The following BCLAF1 variants were observed in gnomAD, a reference collection of about 807,000 sequenced individuals.
The protein encoded by BCLAF1 is bcl-2-associated transcription factor 1.
In BCLAF1, 10 loss-of-function variants were observed where a neutral mutation model predicts 99.5. The ratio of observed to expected loss-of-function variants is 0.10; its 90% CI spans 0.06 to 0.17. The LOEUF (loss-of-function observed/expected upper bound fraction) is 0.17, where lower values mean the gene tolerates loss of function less well. Ranked by LOEUF, BCLAF1 falls within the 10% of genes least tolerant of loss-of-function variation. BCLAF1 has a pLI of 1.00. For synonymous variants in BCLAF1, 255 were observed against 370.9 expected (o/e 0.69, Z 3.59); for missense variants, 636 against 1,105.8 (o/e 0.58, Z 6.02).
Position 136,276,008 on chromosome 6 carries a change from T to C in BCLAF1, c.1517A>G (p.Lys506Arg). 2 of 1,611,152 alleles carry C rather than the reference T, an allele frequency of 1.2e-6. No homozygotes were observed. Among genetic ancestry groups the C allele is most frequent in the Non-Finnish European group, 1.7e-6 (2 of 1,179,128 alleles). The change falls in exon 5 of 13, where the codon AAA becomes AGA. Residue 506 changes from lysine (K) to arginine (R), a missense_variant. This residue lies in a region of BCLAF1 where 186 missense variants were observed against 275.3 expected (regional missense o/e 0.68). Transcript: ENST00000531224. ...AGGGGGACTGTAATCAAAGAGGTCT[T>C]TGAGCTTTTCAGACTTTACCTGCTC... The part of the protein sequence containing the change: ...SPEQVKSEKL[K>R]DLFDYSPPLH...
chr6:136,285,637 C>G (rs1785025967), intron 1 of BCLAF1, among the ~76,000 whole-genome samples: 1 of 152,108 alleles, frequency 6.6e-6, no homozygotes, highest in Admixed American at 6.5e-5. Flanking sequence ...AATAAATTGC[C>G]ATATGTATCT....
chr6:136,283,767 T>C (rs1391682514), intron 1 of BCLAF1, among the ~76,000 whole-genome samples: 1 of 152,062 alleles, frequency 6.6e-6, no homozygotes, highest in African/African-American at 2.4e-5. Context: ...TCCTAAAATA[T>C]CCATGGCCCT....
Position 136,276,195 on chromosome 6 carries a change from G to C in BCLAF1, c.1330C>G (p.Leu444Val). 3 of 1,610,632 alleles carry C rather than the reference G, an allele frequency of 1.9e-6. No individual in the cohort carries two copies. The highest frequency in any genetic ancestry group is 2.2e-5 in the East Asian group (1 of 44,804). The change falls in exon 5 of 13, where the codon CTG becomes GTG. Residue 444 changes from leucine (L) to valine (V), a missense_variant. Around this residue, in one of 9 missense-constraint regions of BCLAF1, gnomAD observed 186 missense variants for 275.3 expected, o/e 0.68. Transcript: ENST00000531224. Reference sequence around the variant, plus strand: ...CCATCACTTTCTCTATTGCCTTTCAGTGAAACTTTGGACTTGTACTTGAGT... The same window carrying C: ...CCATCACTTTCTCTATTGCCTTTCACTGAAACTTTGGACTTGTACTTGAGT... ...EGLKYKSKVSLKGNRESDGFR... is the reference protein window; with the variant it reads ...EGLKYKSKVSVKGNRESDGFR...
intron 1 of BCLAF1, among the ~76,000 whole-genome samples, chr6:136,284,116 ATGTGTGTGTGTGTG>A (rs879553249): frequency 3.3e-5 from 4 of 120,078 alleles, no homozygotes; most frequent in African/African-American, 1.4e-4. Context: ...ATACATATAT[ATGTGTGTGTGTGTG>A]TATATATATA....
intron 11 of BCLAF1, among the ~76,000 whole-genome samples, chr6:136,264,190 T>C (rs997026991): frequency 7.9e-5 from 12 of 152,126 alleles, no homozygotes; most frequent in Non-Finnish European, 1.3e-4. Context: ...GCTTAACAAA[T>C]GTTATCTATT....
At chr6:136,271,076 G>A (rs1420614399) in intron 8 of BCLAF1, among the ~76,000 whole-genome samples, 4 of 151,478 alleles carry the variant, frequency 2.6e-5, no homozygotes, top group African/African-American at 7.3e-5. Flanking sequence ...TACTACCACT[G>A]TCCATAACAG....
In BCLAF1 at chr6:136,260,816, C is replaced by A; in HGVS notation, c.*294G>T. 2.3e-6 allele frequency: 1 copy of A among 430,400 alleles called. No individual in the cohort carries two copies. Among genetic ancestry groups the A allele is most frequent in the East Asian group, 3.6e-5 (1 of 28,138 alleles). The allele number at this position is 430,400 out of a possible 1,614,324, so 26.7% of individuals were successfully genotyped here. On this transcript the variant is annotated 3_prime_UTR_variant, in exon 13 of 13. Coordinates refer to ENST00000531224, the MANE Select transcript of BCLAF1 (RefSeq NM_014739.3). ...GAACTTTCACAGAGCTGTACTTGACCATATCTTATAGACAAAGCAGAATTA... is the reference window on the plus strand; with the variant it reads ...GAACTTTCACAGAGCTGTACTTGACAATATCTTATAGACAAAGCAGAATTA...
intron 7 of BCLAF1, among the ~76,000 whole-genome samples, chr6:136,272,569 T>C (rs1782681117): frequency 1.3e-5 from 2 of 151,992 alleles, no homozygotes; most frequent in African/African-American, 4.8e-5. Context: ...GTCAGATACT[T>C]CATAGCCAAT....
intron 1 of BCLAF1, among the ~76,000 whole-genome samples, chr6:136,285,435 G>A (rs1222271135): frequency 4.2e-4 from 64 of 152,178 alleles, no homozygotes; most frequent in Admixed American, 4.2e-3. Flanking sequence ...CCCACAGTCG[G>A]AGTGTAAATG....
intron 11 of BCLAF1, among the ~76,000 whole-genome samples, chr6:136,264,832 T>C (rs1781497596): frequency 6.6e-6 from 1 of 152,156 alleles, no homozygotes; most frequent in African/African-American, 2.4e-5. Flanking sequence ...AAATCAATGT[T>C]TATGTTTTAT....
At chr6:136,283,178 C>CAAAAAA (rs1173234336) in intron 1 of BCLAF1, among the ~76,000 whole-genome samples, 4 of 52,036 alleles carry the variant, frequency 7.7e-5, no homozygotes, top group Admixed American at 2.7e-4. Context: ...GACCCCATCT[C>CAAAAAA]AAAAAAAAAA....
intron 1 of BCLAF1, among the ~76,000 whole-genome samples, chr6:136,286,477 A>C (rs1387814267): frequency 6.6e-6 from 1 of 152,208 alleles, no homozygotes; most frequent in Non-Finnish European, 1.5e-5. Context: ...TGAACTAAGT[A>C]AGGCATGTAA....
chr6:136,272,619 CCA>C (rs1404458977), intron 7 of BCLAF1, among the ~76,000 whole-genome samples: 1 of 151,900 alleles, frequency 6.6e-6, no homozygotes, highest in Admixed American at 6.6e-5. Flanking sequence ...GCATGATTAT[CCA>C]CATTTTGTAT....
intron 6 of BCLAF1, among the ~76,000 whole-genome samples, chr6:136,274,894 T>C (rs1251620950): frequency 6.6e-6 from 1 of 151,964 alleles, no homozygotes; most frequent in Non-Finnish European, 1.5e-5. Flanking sequence ...AACCTTATCT[T>C]TAGGACCTAA....
intron 11 of BCLAF1, among the ~76,000 whole-genome samples, chr6:136,265,705 G>A (rs1781621823): frequency 1.3e-5 from 2 of 152,026 alleles, no homozygotes; most frequent in South Asian, 4.2e-4. Context: ...CAAGATTAAG[G>A]TCAAGTTCCT....
chr6:136,268,167 T>C lies in BCLAF1; in HGVS notation c.2392A>G (p.Thr798Ala), dbSNP rs1362167287. ...AAGATAATTTTTTCACTTACAAAGG[T>C]TCCTCGTGGTCGGCTAACTCCTGCA... is the stretch of plus-strand genomic sequence containing the variant. The part of the protein sequence containing the change: ...GFAGVSRPRG[T>A]FFRIRGRGRA... Residue 798 changes from threonine (T) to alanine (A), a missense_variant, in exon 10 of 13, where the codon ACC (threonine) becomes GCC (alanine). Thr to Ala is a moderately conservative substitution (Grantham distance 58). Around this residue, in one of 9 missense-constraint regions of BCLAF1, gnomAD observed 180 missense variants for 270.0 expected, o/e 0.67. Transcript: ENST00000531224. 1.3e-6 allele frequency: 2 copies of C among 1,525,002 alleles called. No homozygotes were observed. The highest frequency in any genetic ancestry group is 2.3e-5 in the Admixed American group (1 of 43,584). The allele number at this position is 1,525,002 out of a possible 1,614,324, so 94.5% of individuals were successfully genotyped here.
At chr6:136,277,726 G>A (rs1223161050) in intron 4 of BCLAF1, 139 bp downstream of exon 4, 1 of 1,122,312 alleles carries the variant, frequency 8.9e-7, no homozygotes. Context: ...AAAACAATTT[G>A]GAATTATCTT....
intron 1 of BCLAF1, among the ~76,000 whole-genome samples, chr6:136,285,748 T>C (rs1562269730): frequency 6.6e-6 from 1 of 152,192 alleles, no homozygotes; most frequent in Non-Finnish European, 1.5e-5. Flanking sequence ...GAGCCTATCT[T>C]TCATGAAATA....
chr6:136,284,538 A>C (rs1469309247), intron 1 of BCLAF1, among the ~76,000 whole-genome samples: 1 of 152,180 alleles, frequency 6.6e-6, no homozygotes, highest in Non-Finnish European at 1.5e-5. Flanking sequence ...CTAAACATCT[A>C]AATACCAACC....
Sources: gnomAD v4.1 joint callset for allele counts (sites outside exome capture counted in the v4.1 genomes callset) on GRCh38, gnomAD v4.1.1 for gene constraint, gnomAD v4.1.1 regional missense constraint, MANE v1.5 for transcripts, NCBI Gene and HGNC (gene_info 2026-07-23, HGNC 2026-07-21) for gene names.